The following CCDC171 variants were observed in gnomAD, a reference collection of about 807,000 sequenced individuals.
CCDC171 encodes coiled-coil domain containing 171, also known as coiled-coil domain-containing protein 171.
CCDC171 carries 177 observed loss-of-function variants against 168.2 expected under a neutral mutation model. The observed-to-expected ratio is 1.05, with a 90% confidence interval of 0.93 to 1.19. CCDC171 has a LOEUF of 1.19. Among genes scored for constraint, CCDC171 ranks in the 50% most tolerant of loss-of-function variants. CCDC171 has a pLI of 0.00. For missense variants in CCDC171, 1,991 were observed against 1,539.0 expected (o/e 1.29, Z -4.91); for synonymous variants, 687 against 540.8 (o/e 1.27, Z -3.75).
intron 1 of CCDC171, among the ~76,000 whole-genome samples, chr9:16,048,633 G>A (rs1417634506): frequency 6.6e-6 from 1 of 152,078 alleles, no homozygotes; most frequent in African/African-American, 2.4e-5. Flanking sequence ...TGTAACTTTA[G>A]GTGAGTGGCT....
At chr9:15,690,214 G>A (rs1451621742) in intron 10 of CCDC171, among the ~76,000 whole-genome samples, 4 of 152,020 alleles carry the variant, frequency 2.6e-5, no homozygotes, top group Non-Finnish European at 4.4e-5. Flanking sequence ...GTACAACCTC[G>A]TGAAAATACT....
At chr9:15,587,806 A>C in intron 4 of CCDC171, 1 of 273,120 alleles carries the variant, frequency 3.7e-6, no homozygotes, top group Non-Finnish European at 7.6e-6. Flanking sequence ...TGGAGAGAAG[A>C]AATCAACTTA....
At chr9:15,667,956 A>G (rs2048849643) in intron 9 of CCDC171, among the ~76,000 whole-genome samples, 3 of 152,202 alleles carry the variant, frequency 2.0e-5, no homozygotes, top group Non-Finnish European at 4.4e-5. Flanking sequence ...GCATACATTT[A>G]ATACATTTGA....
At chr9:15,733,619 T>C (rs1327373334) in intron 16 of CCDC171, among the ~76,000 whole-genome samples, 2 of 152,026 alleles carry the variant, frequency 1.3e-5, no homozygotes, top group Non-Finnish European at 2.9e-5. Context: ...TCTTGTCTGT[T>C]CCATTTATTT....
chr9:16,081,885 A>C, the CCDC171 span, among the ~76,000 whole-genome samples: 1 of 151,788 alleles, frequency 6.6e-6, no homozygotes, highest in Non-Finnish European at 1.5e-5. Context: ...AGAGATGCTC[A>C]CTGCATCCTC....
downstream of CCDC171, among the ~76,000 whole-genome samples, chr9:15,974,208 T>G (rs1831554095): frequency 6.6e-6 from 1 of 151,980 alleles, no homozygotes; most frequent in Non-Finnish European, 1.5e-5. Context: ...TCATTAGTAT[T>G]CACTACCAAA....
intron 6 of CCDC171, among the ~76,000 whole-genome samples, chr9:15,594,606 A>G (rs756459724): frequency 1.3e-5 from 2 of 152,146 alleles, no homozygotes; most frequent in Non-Finnish European, 2.9e-5. Context: ...TGAAATACGC[A>G]GAATCCCCGA....
chr9:15,923,584 C>T (rs1825579395), intron 25 of CCDC171, among the ~76,000 whole-genome samples: 1 of 151,138 alleles, frequency 6.6e-6, no homozygotes, highest in Non-Finnish European at 1.5e-5. Context: ...ATCTCTTGTA[C>T]AACATGGTGA....
At position 15,950,657 on chromosome 9, in the gene CCDC171, C is replaced by T. The variant is rs576739739; in HGVS notation, c.3754-20952C>T. Among the ~76,000 whole-genome samples, 8 of 151,980 alleles carry T rather than the reference C, an allele frequency of 5.3e-5. No homozygotes were observed. The South Asian group carries it at 6.3e-4, about 12-fold the overall frequency. ...ATGGAAAGGAACAACCGATACCAGC[C>T]GCTGCAAAATCATGCCAAAATGTAA... is the stretch of plus-strand genomic sequence containing the variant. On this transcript the variant is annotated intron_variant, in intron 25 of 25. Coordinates refer to ENST00000380701, the MANE Select transcript of CCDC171 (RefSeq NM_173550.4).
At chr9:15,619,951 A>G (rs1457717820) in intron 6 of CCDC171, among the ~76,000 whole-genome samples, 3 of 152,234 alleles carry the variant, frequency 2.0e-5, no homozygotes, top group Non-Finnish European at 4.4e-5. Flanking sequence ...TAAATGGGAC[A>G]ACAAAGCCCA....
chr9:15,908,623 G>T (rs545586500), intron 24 of CCDC171, among the ~76,000 whole-genome samples: 8 of 152,124 alleles, frequency 5.3e-5, no homozygotes, highest in African/African-American at 1.9e-4. Flanking sequence ...CCTGCACGTT[G>T]TGCACCTGTA....
intron 25 of CCDC171, among the ~76,000 whole-genome samples, chr9:15,970,910 C>A (rs1375868859): frequency 2.0e-5 from 3 of 152,102 alleles, no homozygotes; most frequent in African/African-American, 7.2e-5. Context: ...GTGCTCACCA[C>A]CTGGCTGATG....
At chr9:15,578,436 AT>A (rs2040846514) in intron 3 of CCDC171, among the ~76,000 whole-genome samples, 1 of 145,946 alleles carries the variant, frequency 6.9e-6, no homozygotes, top group African/African-American at 2.5e-5. Flanking sequence ...TATTATTATT[AT>A]TATTATTATT....
chr9:15,579,667 C>T (rs1447432460), intron 4 of CCDC171, among the ~76,000 whole-genome samples: 1 of 152,158 alleles, frequency 6.6e-6, no homozygotes, highest in East Asian at 1.9e-4. Context: ...GACTACTATA[C>T]TGGTTTTTAA....
chr9:15,933,079 T>C (rs1309785852), intron 25 of CCDC171, among the ~76,000 whole-genome samples: 1 of 152,004 alleles, frequency 6.6e-6, no homozygotes, highest in East Asian at 1.9e-4. Flanking sequence ...TTGTGCAATT[T>C]TGGAGTCAGG....
chr9:16,094,113 C>T, the CCDC171 span, among the ~76,000 whole-genome samples: 1 of 152,050 alleles, frequency 6.6e-6, no homozygotes, highest in Admixed American at 6.6e-5. Context: ...GAGAGAGGAC[C>T]GTGAGTAAAG....
chr9:15,876,100 G>A lies in CCDC171; in HGVS notation c.3600+1437G>A, dbSNP rs1454232585. 5 of 151,960 alleles carry A rather than the reference G, an allele frequency of 3.3e-5. No individual in the cohort carries two copies. The South Asian group carries it at 8.3e-4, about 25-fold the overall frequency. The allele number at this position is 151,960 out of a possible 1,614,324, so 9.4% of individuals were successfully genotyped here. On this transcript the variant is annotated intron_variant, in intron 24 of 25. Transcript: ENST00000380701. ...CTCAAAACTAGATGTTGGTGATTTC[G>A]AAAGAGGTTGATTCCCCAAAATGCC... is the stretch of plus-strand genomic sequence containing the variant.
chr9:15,553,344 AG>A (rs1292692889), intron 1 of CCDC171, 42 bp downstream of exon 1: 1 of 152,172 alleles, frequency 6.6e-6, no homozygotes, highest in African/African-American at 2.4e-5. Context: ...ACGACTTGGG[AG>A]GGAGGTGTTG....
chr9:16,046,450 G>C (rs1277733877), intron 1 of CCDC171, among the ~76,000 whole-genome samples: 1 of 152,140 alleles, frequency 6.6e-6, no homozygotes, highest in Non-Finnish European at 1.5e-5. Context: ...GAAAAGCTCT[G>C]GCAAAAGTTC....
Sources: gnomAD v4.1 joint callset for allele counts (sites outside exome capture counted in the v4.1 genomes callset) on GRCh38, gnomAD v4.1.1 for gene constraint, MANE v1.5 for transcripts, NCBI Gene and HGNC (gene_info 2026-07-23, HGNC 2026-07-21) for gene names.